The following CPNE4 variants were observed in gnomAD, a reference collection of about 807,000 sequenced individuals.
CPNE4 encodes copine 4.
In CPNE4, 25 loss-of-function variants were observed where a neutral mutation model predicts 67.9. That is an observed-to-expected ratio of 0.37 (90% confidence interval 0.27 to 0.51). The LOEUF (loss-of-function observed/expected upper bound fraction) is 0.51. CPNE4 is among the 20% of genes least tolerant of loss of function. The probability of loss-of-function intolerance (pLI) is 0.93; values close to 1 mark genes in which losing one functional copy is unlikely to be tolerated. For missense variants in CPNE4, 464 were observed against 690.8 expected, an observed-to-expected ratio of 0.67 and a Z score of 3.68; for synonymous variants, 242 against 244.9, an observed-to-expected ratio of 0.99 and a Z score of 0.11.
chr3:131,798,917 A>C (rs914618244), intron 2 of CPNE4, among the ~76,000 whole-genome samples: 2 of 152,184 alleles, frequency 1.3e-5, no homozygotes, highest in Non-Finnish European at 2.9e-5. Context: ...TTTAAAAAAA[A>C]CCACAAACCC....
chr3:131,889,267 T>C (rs1419969039), intron 2 of CPNE4, among the ~76,000 whole-genome samples: 1 of 152,176 alleles, frequency 6.6e-6, no homozygotes, highest in Non-Finnish European at 1.5e-5. Context: ...CCAAGCAGTG[T>C]GATTCCAGGG....
intron 2 of CPNE4, among the ~76,000 whole-genome samples, chr3:131,868,711 C>T (rs1002131850): frequency 6.6e-6 from 1 of 152,146 alleles, no homozygotes; most frequent in Admixed American, 6.5e-5. Flanking sequence ...GCCCAACACA[C>T]TTCCTACTTC....
At chr3:132,027,751 A>G (rs2074144773) in intron 1 of CPNE4, among the ~76,000 whole-genome samples, 1 of 152,222 alleles carries the variant, frequency 6.6e-6, no homozygotes, top group Admixed American at 6.5e-5. Flanking sequence ...ACTGCTCCGA[A>G]GATAACAAAG....
chr3:131,664,347 T>C (rs2080206287), intron 7 of CPNE4, among the ~76,000 whole-genome samples: 1 of 152,208 alleles, frequency 6.6e-6, no homozygotes, highest in African/African-American at 2.4e-5. Context: ...ATTAACAATA[T>C]GTTGATCAAA....
At chr3:131,637,644 C>T (rs1011603555) in intron 7 of CPNE4, among the ~76,000 whole-genome samples, 4 of 152,042 alleles carry the variant, frequency 2.6e-5, no homozygotes, top group African/African-American at 9.7e-5. Context: ...AAAAATTTTC[C>T]CAGCTTTGCT....
At chr3:132,017,109 T>G (rs1037772849) in intron 1 of CPNE4, among the ~76,000 whole-genome samples, 1 of 152,214 alleles carries the variant, frequency 6.6e-6, no homozygotes, top group African/African-American at 2.4e-5. Context: ...GTAGACCTGT[T>G]GTGAAGGAAA....
At chr3:131,959,918 TATC>T (rs2072114374) in intron 1 of CPNE4, among the ~76,000 whole-genome samples, 1 of 152,232 alleles carries the variant, frequency 6.6e-6, no homozygotes, top group Non-Finnish European at 1.5e-5. Context: ...TTATTTTAAA[TATC>T]ATCTGAATAC....
intron 2 of CPNE4, among the ~76,000 whole-genome samples, chr3:131,845,218 C>A (rs181861536): frequency 1.1e-4 from 16 of 152,290 alleles, no homozygotes; most frequent in Admixed American, 5.9e-4. Context: ...AACCACCCAC[C>A]ATCATCAACT....
At chr3:131,776,955 C>A (rs995668146) in intron 2 of CPNE4, among the ~76,000 whole-genome samples, 9 of 152,070 alleles carry the variant, frequency 5.9e-5, no homozygotes, top group Non-Finnish European at 1.5e-5. Flanking sequence ...CGTTATATAT[C>A]AGTTACTGCT....
chr3:131,907,202 CT>C (rs1179086152), intron 1 of CPNE4, among the ~76,000 whole-genome samples: 1 of 152,122 alleles, frequency 6.6e-6, no homozygotes, highest in African/African-American at 2.4e-5. Context: ...CTGAAGACGA[CT>C]GAACGTATAA....
chr3:131,739,303 A>T (rs2082307432), intron 2 of CPNE4, among the ~76,000 whole-genome samples: 1 of 152,156 alleles, frequency 6.6e-6, no homozygotes, highest in Non-Finnish European at 1.5e-5. Context: ...CTTCTGCCTC[A>T]GAGGCTACTG....
intron 1 of CPNE4, among the ~76,000 whole-genome samples, chr3:131,995,656 G>T (rs2073273369): frequency 6.6e-6 from 1 of 152,168 alleles, no homozygotes; most frequent in Non-Finnish European, 1.5e-5. Context: ...TTAGCCTGGC[G>T]ACTGCCTAGC....
intron 1 of CPNE4, among the ~76,000 whole-genome samples, chr3:132,009,160 G>A (rs1035719226): frequency 6.6e-6 from 1 of 152,216 alleles, no homozygotes; most frequent in Non-Finnish European, 1.5e-5. Context: ...GGGTCACATG[G>A]CTGCTCTGTC....
At chr3:131,761,748 A>G (rs1211542639) in intron 2 of CPNE4, among the ~76,000 whole-genome samples, 1 of 152,130 alleles carries the variant, frequency 6.6e-6, no homozygotes, top group Non-Finnish European at 1.5e-5. Flanking sequence ...ACCATTCAAC[A>G]GTGATGTCTT....
At chr3:131,686,035 C>A in intron 5 of CPNE4, 77 bp from the exon 6 acceptor site, 1 of 805,374 alleles carries the variant, frequency 1.2e-6, no homozygotes, top group South Asian at 1.7e-5. Flanking sequence ...AATATTTAAT[C>A]AACAGGAAAA....
At chr3:131,612,264 C>A (rs1458318225) in intron 7 of CPNE4, among the ~76,000 whole-genome samples, 7 of 152,088 alleles carry the variant, frequency 4.6e-5, no homozygotes, top group Non-Finnish European at 1.0e-4. Context: ...ATCCCAGCTA[C>A]TCAGGAGGCT....
chr3:131,792,663 G>GTATA (rs146705600), intron 2 of CPNE4, among the ~76,000 whole-genome samples: 3 of 48,076 alleles, frequency 6.2e-5, no homozygotes, highest in African/African-American at 2.2e-4. Context: ...ATACACACGT[G>GTATA]TATATATACA....
intron 3 of CPNE4, among the ~76,000 whole-genome samples, chr3:131,713,803 G>T (rs2081617024): frequency 6.6e-6 from 1 of 151,992 alleles, no homozygotes; most frequent in Non-Finnish European, 1.5e-5. Context: ...AAAAGAGCAA[G>T]AATTAATTAT....
At chr3:131,966,713 A>C (rs1165130046) in intron 1 of CPNE4, among the ~76,000 whole-genome samples, 2 of 152,228 alleles carry the variant, frequency 1.3e-5, no homozygotes, top group Admixed American at 1.3e-4. Context: ...TGAGTTCTGA[A>C]ATTGAGGCAG....
Sources: allele counts gnomAD v4.1 joint callset (sites outside exome capture counted in the v4.1 genomes callset), GRCh38; gene constraint gnomAD v4.1.1; transcripts MANE v1.5; gene names NCBI Gene and HGNC (gene_info 2026-07-23, HGNC 2026-07-21).